Variants in LRP1 observed in about 807,000 individuals in gnomAD.
The protein encoded by LRP1 is prolow-density lipoprotein receptor-related protein 1.
Under a neutral mutation model 541.5 loss-of-function variants are expected in LRP1, and 51 were observed. The ratio of observed to expected loss-of-function variants is 0.09; its 90% CI spans 0.08 to 0.12. The LOEUF (loss-of-function observed/expected upper bound fraction) is 0.12, where lower values mean the gene tolerates loss of function less well. LRP1 is among the 10% of genes least tolerant of loss of function. The pLI is 1.00. For missense variants in LRP1, 3,878 were observed against 6,376.2 expected, an observed-to-expected ratio of 0.61 and a Z score of 13.34; for synonymous variants, 2,219 against 2,470.8, an observed-to-expected ratio of 0.90 and a Z score of 3.02.
chr12:57,192,716 C>G, intron 44 of LRP1, 129 bp from the exon 45 acceptor site: 1 of 1,317,016 alleles, frequency 7.6e-7, no homozygotes, highest in Non-Finnish European at 1.1e-6. Flanking sequence ...TGGCTGCAAG[C>G]CGCTGTGCCT....
At chr12:57,171,165 A>G (rs571248904) in intron 20 of LRP1, among the ~76,000 whole-genome samples, 1 of 152,276 alleles carries the variant, frequency 6.6e-6, no homozygotes, top group South Asian at 2.1e-4. Flanking sequence ...TAAGCTGGGC[A>G]AATTTGGACA....
chr12:57,149,568 T>A, intron 6 of LRP1: 1 of 693,268 alleles, frequency 1.4e-6, no homozygotes, highest in East Asian at 2.7e-5. Flanking sequence ...GACCCTAAGA[T>A]GGGCTGAGTG....
chr12:57,151,722 G>A (rs1291638056), intron 6 of LRP1, among the ~76,000 whole-genome samples: 1 of 152,202 alleles, frequency 6.6e-6, no homozygotes, highest in Non-Finnish European at 1.5e-5. Context: ...CTCCCTTTGA[G>A]CCCATCTCTC....
At position 57,205,023 on chromosome 12, in the gene LRP1, T is replaced by C; in HGVS notation, c.11195-86T>C. The C allele has an allele frequency of 6.6e-7, 1 of 1,518,462 alleles. No individual in the cohort carries two copies. The highest frequency in any genetic ancestry group is 8.9e-7 in the Non-Finnish European group (1 of 1,127,646). 94.1% of individuals were successfully genotyped at this position (1,518,462 alleles called of 1,614,324 possible). Reference sequence around the variant, plus strand: ...CCCTGCAAGCCTTGTCACTTAGGAATTGGGAGCCACTGTTATCTATGGGGT... The same window carrying C: ...CCCTGCAAGCCTTGTCACTTAGGAACTGGGAGCCACTGTTATCTATGGGGT... On this transcript the variant is annotated intron_variant, in intron 72 of 88. Transcript: ENST00000243077. The surrounding 1 kb of genome is among the most constrained non-coding windows in gnomAD (Gnocchi z 4.6).
chr12:57,200,414 A>AC, intron 62 of LRP1, 28 bp from the exon 63 acceptor site: 1 of 1,294,086 alleles, frequency 7.7e-7, no homozygotes, highest in Non-Finnish European at 1.1e-6. Flanking sequence ...ACCCCCACCA[A>AC]CCCCTCTTGC....
chr12:57,182,946 C>A (rs2036195312), intron 34 of LRP1, among the ~76,000 whole-genome samples: 1 of 152,130 alleles, frequency 6.6e-6, no homozygotes, highest in Non-Finnish European at 1.5e-5. Flanking sequence ...GTGGCATAGA[C>A]CAGACAGAGG....
chr12:57,201,428 GAA>G lies in LRP1; in HGVS notation c.10346-68_10346-67del. On this transcript the variant is annotated intron_variant, in intron 65 of 88. Coordinates refer to ENST00000243077, the MANE Select transcript of LRP1 (RefSeq NM_002332.3). The surrounding 1 kb of genome is among the most constrained non-coding windows in gnomAD (Gnocchi z 6.4). ...CCAAGGCCAGGGCTTGGAAGAGAGA[GAA>G]GACAGTGATGGTGAACTGGAGTGGC... 2 of 1,551,314 alleles carry G rather than the reference GAA, an allele frequency of 1.3e-6. No homozygotes were observed. The highest frequency in any genetic ancestry group is 1.7e-6 in the Non-Finnish European group (2 of 1,144,126).
At position 57,212,576 on chromosome 12, in the gene LRP1, C is replaced by A; in HGVS notation, c.*21C>A. The A allele has an allele frequency of 6.4e-7, 1 of 1,556,576 alleles. No homozygotes were observed. The highest frequency in any genetic ancestry group is 8.7e-7 in the Non-Finnish European group (1 of 1,150,544). On this transcript the variant is annotated 3_prime_UTR_variant, in exon 89 of 89. Coordinates refer to ENST00000243077, the MANE Select transcript of LRP1 (RefSeq NM_002332.3). The surrounding 1 kb of genome is among the most constrained non-coding windows in gnomAD (Gnocchi z 5.0). ...CATAGGGCCCTGCCCCGTCGGACTG[C>A]CCCCAGAAAGCCTCCTGCCCCCTGC... is the stretch of plus-strand genomic sequence containing the variant.
intron 12 of LRP1, among the ~76,000 whole-genome samples, chr12:57,160,463 C>A (rs1213884052): frequency 6.6e-6 from 1 of 152,136 alleles, no homozygotes; most frequent in African/African-American, 2.4e-5. Context: ...GCCGGACTGG[C>A]TTCTTCTCTA....
Position 57,204,686 on chromosome 12 carries a change from T to C in LRP1, c.11131T>C (p.Trp3711Arg). 1 of 1,614,026 alleles carries C rather than the reference T, an allele frequency of 6.2e-7. No homozygotes were observed. The highest frequency in any genetic ancestry group is 1.3e-5 in the African/African-American group (1 of 75,024). ...TTGCAAGAATGACCGCGTCTGTCTGTGGATCGGGCGCCAATGCGATGGCAC... is the reference window on the plus strand; with the variant it reads ...TTGCAAGAATGACCGCGTCTGTCTGCGGATCGGGCGCCAATGCGATGGCAC... The part of the protein sequence containing the change: ...FRCKNDRVCL[W>R]IGRQCDGTDN... Residue 3711 changes from tryptophan (W) to arginine (R), a missense_variant, in exon 72 of 89, where the codon TGG becomes CGG. By Grantham distance (101) the Trp-to-Arg change is moderately radical. Around this residue, in one of 13 missense-constraint regions of LRP1, gnomAD observed 871 missense variants for 1,212.4 expected, o/e 0.72. Coordinates refer to ENST00000243077, the MANE Select transcript of LRP1 (RefSeq NM_002332.3). This position sits in a 1 kb window ranked among gnomAD's most constrained non-coding sequence, Gnocchi z 5.3.
chr12:57,131,157 T>C (rs1474180627), intron 1 of LRP1, among the ~76,000 whole-genome samples: 1 of 152,208 alleles, frequency 6.6e-6, no homozygotes, highest in African/African-American at 2.4e-5. Flanking sequence ...CCTGACTTAG[T>C]ATGTTACCTT....
intron 15 of LRP1, among the ~76,000 whole-genome samples, chr12:57,163,943 G>A (rs962210372): frequency 6.6e-6 from 1 of 152,128 alleles, no homozygotes; most frequent in African/African-American, 2.4e-5. Flanking sequence ...GCCCAAGGCG[G>A]GTGAATCACT....
chr12:57,176,399 AG>A (rs2036047751), intron 24 of LRP1, among the ~76,000 whole-genome samples: 1 of 152,234 alleles, frequency 6.6e-6, no homozygotes. Flanking sequence ...GCCACTTAGG[AG>A]TGGCGTACCT....
chr12:57,197,863 G>A lies in LRP1; in HGVS notation c.9282+199G>A, dbSNP rs377688753. Among the ~76,000 whole-genome samples the A allele has an allele frequency of 2.0e-5, 3 of 151,948 alleles. No individual in the cohort carries two copies. Among genetic ancestry groups the A allele is most frequent in the South Asian group, 4.2e-4 (2 of 4,800 alleles). On this transcript the variant is annotated intron_variant, in intron 58 of 88. Coordinates refer to ENST00000243077, the MANE Select transcript of LRP1 (RefSeq NM_002332.3). This position sits in a 1 kb window ranked among gnomAD's most constrained non-coding sequence, Gnocchi z 4.5. ...GGAGATTCCTCTTGCCCTTCCCCTC[G>A]CTGCCAGCCTCATGTCTCCTTAATC...
Position 57,205,528 on chromosome 12 carries a change from G to T in LRP1, c.11471-30G>T. 6.2e-7 allele frequency: 1 copy of T among 1,613,554 alleles called. No individual in the cohort carries two copies. On this transcript the variant is annotated intron_variant, in intron 74 of 88. Coordinates refer to ENST00000243077, the MANE Select transcript of LRP1 (RefSeq NM_002332.3). This position sits in a 1 kb window ranked among gnomAD's most constrained non-coding sequence, Gnocchi z 4.6. ...AGCAGGGGTGGACACCCCAACTGTG[G>T]ACTCTCATGACCCTCCCTGTAACCC...
chr12:57,195,195 G>T (rs562846479), intron 51 of LRP1, 76 bp from the exon 52 acceptor site: 2 of 729,690 alleles, frequency 2.7e-6, no homozygotes, highest in Non-Finnish European at 3.6e-6. Context: ...TGCAGACGAC[G>T]GCGAACCATC....
chr12:57,173,337 C>T lies in LRP1; in HGVS notation c.3333C>T (p.Gly1111=), dbSNP rs979853593. Residue 1111 remains glycine, a synonymous_variant, in exon 21 of 89, where the codon GGC becomes GGT. Transcript: ENST00000243077. The surrounding 1 kb of genome is among the most constrained non-coding windows in gnomAD (Gnocchi z 4.7). The stretch of plus-strand genomic sequence containing the variant: ...TCTGCGATCCCAGTGTCAAGTTTGG[C>T]TGCAAGGACTCAGGTGAAGAGGATG... ...THVCDPSVKF[G]CKDSARCISK... 1.9e-6 allele frequency: 3 copies of T among 1,613,068 alleles called. No homozygotes were observed. Among genetic ancestry groups the T allele is most frequent in the South Asian group, 2.2e-5 (2 of 91,046 alleles).
At chr12:57,193,795 G>A in intron 47 of LRP1, 104 bp from the exon 48 acceptor site, 1 of 1,601,288 alleles carries the variant, frequency 6.2e-7, no homozygotes, top group Non-Finnish European at 8.5e-7. Context: ...GGCACTCTGT[G>A]ACAGGCCAGG....
At chr12:57,190,661 T>C (rs775530714) in intron 42 of LRP1, 144 bp from the exon 43 acceptor site, 5 of 668,034 alleles carry the variant, frequency 7.5e-6, no homozygotes, top group Admixed American at 2.4e-5. Flanking sequence ...TTCCTGGGCA[T>C]TGGGGCACTG....
Sources: allele counts gnomAD v4.1 joint callset (sites outside exome capture counted in the v4.1 genomes callset), GRCh38; gene constraint gnomAD v4.1.1; regional missense constraint gnomAD v4.1.1; non-coding constraint Gnocchi (gnomAD v3.1); transcripts MANE v1.5; gene names NCBI Gene and HGNC (gene_info 2026-07-23, HGNC 2026-07-21).